The following IRAK1BP1 variants were observed in gnomAD, a reference collection of about 807,000 sequenced individuals.
IRAK1BP1 encodes interleukin-1 receptor-associated kinase 1-binding protein 1.
IRAK1BP1 carries 24 observed loss-of-function variants against 28.0 expected under a neutral mutation model. The ratio of observed to expected loss-of-function variants is 0.86; its 90% confidence interval spans 0.62 to 1.20. IRAK1BP1 has a LOEUF of 1.20. IRAK1BP1 is among the 50% of genes most tolerant of loss of function. IRAK1BP1 has a pLI of 0.00. For synonymous variants in IRAK1BP1, 131 were observed against 116.3 expected (o/e 1.13, Z -0.81); for missense variants, 336 against 316.7 (o/e 1.06, Z -0.46).
At chr6:78,924,935 T>C (rs1200884545) in intron 4 of IRAK1BP1, among the ~76,000 whole-genome samples, 2 of 152,102 alleles carry the variant, frequency 1.3e-5, no homozygotes, top group Admixed American at 1.3e-4. Flanking sequence ...CCAACAATGA[T>C]AGATTGGATT....
chr6:78,957,770 TAGG>T, the IRAK1BP1 span: 8 of 151,950 alleles, frequency 5.3e-5, no homozygotes, highest in African/African-American at 1.9e-4. Context: ...GCCTTCAACT[TAGG>T]AGGCTCAATT....
the IRAK1BP1 span, among the ~76,000 whole-genome samples, chr6:78,971,998 G>C: frequency 3.3e-5 from 5 of 150,628 alleles, no homozygotes; most frequent in South Asian, 2.1e-4. Context: ...CAAAGCAGCC[G>C]GGAAGCTCGA....
intron 2 of IRAK1BP1, among the ~76,000 whole-genome samples, chr6:78,894,879 C>T (rs561939517): frequency 1.2e-4 from 18 of 152,130 alleles, no homozygotes; most frequent in African/African-American, 7.2e-5. Context: ...GAAGCTGAGG[C>T]GGGCAGATCA....
At chr6:78,963,485 T>G in the IRAK1BP1 span, among the ~76,000 whole-genome samples, 1 of 152,126 alleles carries the variant, frequency 6.6e-6, no homozygotes, top group African/African-American at 2.4e-5. Flanking sequence ...AAATTATACC[T>G]GAAAATCTGC....
chr6:78,893,606 A>G (rs1293031576), intron 2 of IRAK1BP1, among the ~76,000 whole-genome samples: 1 of 152,022 alleles, frequency 6.6e-6, no homozygotes, highest in African/African-American at 2.4e-5. Flanking sequence ...CTATATTTAT[A>G]TAAAAGATAA....
At chr6:78,892,483 C>G (rs1461444148) in intron 2 of IRAK1BP1, among the ~76,000 whole-genome samples, 1 of 151,974 alleles carries the variant, frequency 6.6e-6, no homozygotes, top group Non-Finnish European at 1.5e-5. Flanking sequence ...TACTTTGTTA[C>G]TGCTATTTCA....
intron 4 of IRAK1BP1, among the ~76,000 whole-genome samples, chr6:78,944,475 G>C (rs1773694191): frequency 1.3e-5 from 2 of 152,126 alleles, no homozygotes; most frequent in South Asian, 4.1e-4. Flanking sequence ...AAATTATGTA[G>C]GCCTTGAAAT....
chr6:78,951,717 G>GT, the IRAK1BP1 span, among the ~76,000 whole-genome samples: 1 of 152,160 alleles, frequency 6.6e-6, no homozygotes, highest in Non-Finnish European at 1.5e-5. Flanking sequence ...TTTTGAACAT[G>GT]TAAAAGATGA....
chr6:78,976,283 C>T, the IRAK1BP1 span, among the ~76,000 whole-genome samples: 2 of 148,860 alleles, frequency 1.3e-5, no homozygotes, highest in Admixed American at 1.3e-4. Context: ...AAAAGGATTC[C>T]CTATTTAATA....
At chr6:78,952,393 T>A in the IRAK1BP1 span, among the ~76,000 whole-genome samples, 3 of 131,168 alleles carry the variant, frequency 2.3e-5, no homozygotes, top group East Asian at 6.5e-4. Context: ...CACTCCAGCC[T>A]GGAGACAGAG....
At chr6:78,930,818 G>T (rs1773023187) in intron 4 of IRAK1BP1, among the ~76,000 whole-genome samples, 1 of 151,272 alleles carries the variant, frequency 6.6e-6, no homozygotes, top group African/African-American at 2.4e-5. Flanking sequence ...TGTAGTCCCA[G>T]TTCTTGGGAG....
At chr6:78,944,083 C>T (rs375554245) in intron 4 of IRAK1BP1, among the ~76,000 whole-genome samples, 99 of 147,914 alleles carry the variant, frequency 6.7e-4, no homozygotes, top group African/African-American at 2.0e-3. Flanking sequence ...TTAAGTGAGA[C>T]GTGAAAGGCA....
intron 2 of IRAK1BP1, among the ~76,000 whole-genome samples, chr6:78,889,435 T>G (rs968781118): frequency 6.6e-6 from 1 of 151,832 alleles, no homozygotes; most frequent in South Asian, 2.1e-4. Flanking sequence ...GGGATCTAAG[T>G]AAACTAAAGA....
intron 1 of IRAK1BP1, among the ~76,000 whole-genome samples, chr6:78,884,560 TGG>T (rs1771345424): frequency 6.6e-6 from 1 of 152,100 alleles, no homozygotes; most frequent in South Asian, 2.1e-4. Flanking sequence ...TATATCATAG[TGG>T]TATAGCATCC....
the IRAK1BP1 span, chr6:78,957,242 T>A: frequency 6.6e-6 from 1 of 152,004 alleles, no homozygotes; most frequent in Non-Finnish European, 1.5e-5. Flanking sequence ...ATATACTATC[T>A]CATGTAGTTC....
chr6:78,924,713 A>G (rs1424827104), intron 4 of IRAK1BP1, among the ~76,000 whole-genome samples: 2 of 152,218 alleles, frequency 1.3e-5, no homozygotes, highest in African/African-American at 4.8e-5. Context: ...CAAAAAGCTT[A>G]TCCACCATGA....
At chr6:78,905,185 T>A (rs1772230029), downstream of IRAK1BP1, among the ~76,000 whole-genome samples, 1 of 152,246 alleles carries the variant, frequency 6.6e-6, no homozygotes, top group Non-Finnish European at 1.5e-5. Flanking sequence ...TTGATCTCCC[T>A]AATATTAAAT....
At chr6:78,932,321 G>A (rs1487939340) in intron 4 of IRAK1BP1, among the ~76,000 whole-genome samples, 2 of 151,934 alleles carry the variant, frequency 1.3e-5, no homozygotes, top group South Asian at 4.2e-4. Flanking sequence ...CATCTAGAAT[G>A]GTGAATTCTT....
At chr6:78,887,558 C>CG (rs1290206942) in intron 2 of IRAK1BP1, among the ~76,000 whole-genome samples, 3 of 151,904 alleles carry the variant, frequency 2.0e-5, no homozygotes, top group African/African-American at 7.3e-5. Context: ...CACAGCTACT[C>CG]GGGAGGCTGA....
Sources: gnomAD v4.1 joint callset for allele counts (sites outside exome capture counted in the v4.1 genomes callset) on GRCh38, gnomAD v4.1.1 for gene constraint, MANE v1.5 for transcripts, NCBI Gene and HGNC (gene_info 2026-07-23, HGNC 2026-07-21) for gene names.